SPARC: variants seen among roughly 807,000 people sequenced by gnomAD.
SPARC encodes basement-membrane protein 40.
In SPARC, 23 loss-of-function variants were observed where a neutral mutation model predicts 37.7. That is an observed-to-expected ratio of 0.61 (90% CI 0.44 to 0.87). SPARC has a LOEUF of 0.87. Ranked by LOEUF, SPARC falls within the 40% of genes least tolerant of loss-of-function variation. The pLI, the probability that SPARC is intolerant of heterozygous loss-of-function variation, is 0.00. For missense variants in SPARC, 312 were observed against 389.0 expected, an observed-to-expected ratio of 0.80 and a Z score of 1.66; for synonymous variants, 155 against 150.8, an observed-to-expected ratio of 1.03 and a Z score of -0.20.
rs1465170822 is a variant in SPARC at position 151,676,160 on chromosome 5, C to A, written c.29G>T (p.Cys10Phe). 1.2e-6 allele frequency: 2 copies of A among 1,612,420 alleles called. No homozygotes were observed. The highest frequency in any genetic ancestry group is 1.7e-6 in the Non-Finnish European group (2 of 1,179,472). ...GGCTGCCAAGGCCCTCCCGGCCAGG[C>A]AAAGGAGAAAGAAGATCCAGGCCCT... is the stretch of plus-strand genomic sequence containing the variant. MRAWIFFLL[C>F]LAGRALAAPQ... is the part of the protein sequence containing the mutation. The change falls in exon 2 of 10, where the codon TGC becomes TTC. Residue 10 changes from cysteine to phenylalanine, a missense_variant. By Grantham distance (205) the Cys-to-Phe change is radical (BLOSUM62 -2). Transcript: ENST00000231061.
At chr5:151,672,799 C>T in intron 4 of SPARC, 2 of 326,638 alleles carry the variant, frequency 6.1e-6, no homozygotes, top group Non-Finnish European at 1.2e-5. Flanking sequence ...ATTTCGGTGA[C>T]CAGATGTGAT....
At chr5:151,677,652 A>T (rs1186214122) in intron 1 of SPARC, among the ~76,000 whole-genome samples, 1 of 152,122 alleles carries the variant, frequency 6.6e-6, no homozygotes, top group Non-Finnish European at 1.5e-5. Context: ...TGCTCTTAAG[A>T]CACCCCAAGC....
At position 151,664,005 on chromosome 5, in the gene SPARC, C is replaced by T. The variant is rs1174099151; in HGVS notation, c.883+82G>A. ...ACAGACAACAGACAGACCAAGAGAG[C>T]GGAGAGTGGGGGGATGACAACCCAG... On this transcript the variant is annotated intron_variant, in intron 9 of 9. Coordinates refer to ENST00000231061, the MANE Select transcript of SPARC (RefSeq NM_003118.4). 54 of 1,513,864 alleles carry T rather than the reference C, an allele frequency of 3.6e-5. 1 individual carries two copies. In the East Asian group the frequency reaches 6.3e-4, roughly 18 times the overall value. The allele number at this position is 1,513,864 out of a possible 1,614,324, so 93.8% of individuals were successfully genotyped here.
At chr5:151,669,024 T>C (rs1443363740) in intron 6 of SPARC, among the ~76,000 whole-genome samples, 1 of 152,060 alleles carries the variant, frequency 6.6e-6, no homozygotes, top group Non-Finnish European at 1.5e-5. Context: ...GGGAGGATAC[T>C]GAACAAGGCA....
At position 151,674,594 on chromosome 5, in the gene SPARC, C is replaced by T. The variant is rs577505873; in HGVS notation, c.120+18G>A. 9.9e-5 allele frequency: 160 copies of T among 1,611,840 alleles called. 2 individuals carry two copies. In the South Asian group the frequency reaches 1.5e-3, roughly 15 times the overall value. ...CAGGTAGAGAGGGGCTAAGGGGCTG[C>T]GGTCACTGCCCACATACCTCAGTCA... On this transcript the variant is annotated intron_variant, in intron 3 of 9. Coordinates refer to ENST00000231061, the MANE Select transcript of SPARC (RefSeq NM_003118.4).
At chr5:151,672,061 G>C (rs781060497) in intron 4 of SPARC, among the ~76,000 whole-genome samples, 7 of 152,170 alleles carry the variant, frequency 4.6e-5, no homozygotes, top group Non-Finnish European at 8.8e-5. Context: ...TCCAGAATAA[G>C]CTTTCTAGAA....
chr5:151,670,397 T>G (rs2113094471), intron 5 of SPARC, among the ~76,000 whole-genome samples: 1 of 152,338 alleles, frequency 6.6e-6, no homozygotes, highest in Middle Eastern at 3.4e-3. Flanking sequence ...GTGCTGAGTC[T>G]CTAATGAACT....
intron 2 of SPARC, 105 bp downstream of exon 2, chr5:151,676,027 T>G: frequency 1.2e-6 from 1 of 853,058 alleles, no homozygotes; most frequent in Non-Finnish European, 1.8e-6. Flanking sequence ...TAACTTGAAA[T>G]GGGGAAGTCC....
intron 4 of SPARC, 30 bp from the exon 5 acceptor site, chr5:151,671,724 A>G: frequency 6.2e-7 from 1 of 1,612,872 alleles, no homozygotes. Context: ...GGGAGTTAGC[A>G]TCACCTGGAC....
At chr5:151,670,374 A>C (rs917235063) in intron 5 of SPARC, among the ~76,000 whole-genome samples, 1 of 152,188 alleles carries the variant, frequency 6.6e-6, no homozygotes, top group Non-Finnish European at 1.5e-5. Flanking sequence ...CCAGCCTCCA[A>C]TTAAAACTTT....
At chr5:151,685,802 C>G (rs1478080014) in intron 1 of SPARC, 1 of 152,206 alleles carries the variant, frequency 6.6e-6, no homozygotes, top group Admixed American at 6.5e-5. Context: ...GAGGAAAATG[C>G]ATGCCTCTCT....
At position 151,676,132 on chromosome 5, in the gene SPARC, A is replaced by G. The variant is rs369337074; in HGVS notation, c.57T>C (p.Pro19=). Residue 19 remains proline (P), a splice_region_variant and synonymous_variant, in exon 2 of 10, where the codon CCT becomes CCC. Transcript: ENST00000231061. Reference sequence around the variant, plus strand: ...GAAGACATGATATTTAGGTACTTACAGGGGCTGCCAAGGCCCTCCCGGCCA... The same window carrying G: ...GAAGACATGATATTTAGGTACTTACGGGGGCTGCCAAGGCCCTCCCGGCCA... ...LCLAGRALAA[P]QQEALPDETE... 6 of 1,610,832 alleles carry G rather than the reference A, an allele frequency of 3.7e-6. No individual in the cohort carries two copies. The highest frequency in any genetic ancestry group is 5.1e-6 in the Non-Finnish European group (6 of 1,178,694).
Position 151,661,293 on chromosome 5 carries a change from A to G in SPARC, c.*2278T>C, listed in dbSNP as rs962774829. On this transcript the variant is annotated 3_prime_UTR_variant, in exon 10 of 10. Transcript: ENST00000231061. ...ATGTCGCCGAATGACTGAATGAGCC[A>G]ATGCTGAAATTTACTTCAATTCCTC... 2 of 152,186 alleles carry G rather than the reference A, an allele frequency of 1.3e-5. No homozygotes were observed. Among genetic ancestry groups the G allele is most frequent in the Admixed American group, 6.5e-5 (1 of 15,278 alleles). 9.4% of individuals were successfully genotyped at this position (152,186 alleles called of 1,614,324 possible).
chr5:151,678,571 T>C (rs1044100655), intron 1 of SPARC, among the ~76,000 whole-genome samples: 2 of 152,182 alleles, frequency 1.3e-5, no homozygotes, highest in Non-Finnish European at 2.9e-5. Flanking sequence ...AGTCCCACTG[T>C]CCTAATGGGG....
At position 151,661,453 on chromosome 5, in the gene SPARC, T is replaced by A. The variant is rs1262415946; in HGVS notation, c.*2118A>T. 6.6e-6 allele frequency: 1 copy of A among 152,198 alleles called. No individual in the cohort carries two copies. Among genetic ancestry groups the A allele is most frequent in the Non-Finnish European group, 1.5e-5 (1 of 68,032 alleles). 9.4% of individuals were successfully genotyped at this position (152,198 alleles called of 1,614,324 possible). A position where few individuals can be genotyped will look rare whatever the true frequency, so the allele number is the denominator to read the frequency against. ...AGAGAACACCAGAATACAGTTTGAT[T>A]TTTTAGGAGCTTTTATTGTTTTAGT... is the stretch of plus-strand genomic sequence containing the variant. On this transcript the variant is annotated 3_prime_UTR_variant, in exon 10 of 10. Transcript: ENST00000231061.
intron 1 of SPARC, among the ~76,000 whole-genome samples, chr5:151,686,186 T>A (rs986191482): frequency 3.3e-5 from 5 of 152,208 alleles, no homozygotes; most frequent in African/African-American, 1.2e-4. Flanking sequence ...GTGTTTACCA[T>A]CCCAAGGAAC....
At chr5:151,669,567 C>T in intron 6 of SPARC, 97 bp downstream of exon 6, 2 of 1,412,918 alleles carry the variant, frequency 1.4e-6, no homozygotes, top group Non-Finnish European at 1.9e-6. Flanking sequence ...GAGATTTGCC[C>T]AAGATCACCC....
intron 3 of SPARC, 99 bp from the exon 4 acceptor site, chr5:151,673,315 G>T (rs1760787070): frequency 2.4e-6 from 2 of 837,326 alleles, no homozygotes; most frequent in Non-Finnish European, 4.2e-6. Context: ...CACAAACGCA[G>T]GGTTGGGAAT....
chr5:151,675,791 C>G (rs988867631), intron 2 of SPARC, among the ~76,000 whole-genome samples: 1 of 152,276 alleles, frequency 6.6e-6, no homozygotes, highest in East Asian at 1.9e-4. Context: ...TAATACCACC[C>G]CTACCAGAAA....
Sources: allele counts gnomAD v4.1 joint callset (sites outside exome capture counted in the v4.1 genomes callset), GRCh38; gene constraint gnomAD v4.1.1; transcripts MANE v1.5; gene names NCBI Gene and HGNC (gene_info 2026-07-23, HGNC 2026-07-21).